Variants in VASH2 observed in about 807,000 individuals in gnomAD.
VASH2 encodes the protein vasohibin 2, also known as tubulinyl-Tyr carboxypeptidase 2.
Under a neutral mutation model 37.2 loss-of-function variants are expected in VASH2, and 28 were observed. The ratio of observed to expected loss-of-function variants is 0.75; its 90% confidence interval spans 0.56 to 1.03. VASH2 has a LOEUF of 1.03. Ranked by LOEUF, VASH2 falls within the 50% of genes least tolerant of loss-of-function variation. The pLI is 0.00. For synonymous variants in VASH2, 188 were observed against 174.7 expected (o/e 1.08, Z -0.60); for missense variants, 419 against 459.1 (o/e 0.91, Z 0.80).
chr1:212,985,198 C>CTTTTTTTTTTTTTTTT (rs55804989), intron 7 of VASH2, among the ~76,000 whole-genome samples: 1 of 100,832 alleles, frequency 9.9e-6, no homozygotes, highest in Non-Finnish European at 1.9e-5. Context: ...ATTTTTTTTG[C>CTTTTTTTTTTTTTTTT]TTTTTTTTTT....
chr1:212,974,973 G>A (rs965427116), intron 7 of VASH2: 21 of 152,354 alleles, frequency 1.4e-4, no homozygotes, highest in African/African-American at 4.8e-4. Flanking sequence ...CCAAGTAGAT[G>A]ATGTAACGAG....
intron 2 of VASH2, among the ~76,000 whole-genome samples, chr1:212,960,341 C>T (rs1666636263): frequency 6.6e-6 from 1 of 152,044 alleles, no homozygotes; most frequent in Admixed American, 6.6e-5. Flanking sequence ...GTTGGTGGAG[C>T]TGCTGTGAGG....
intron 7 of VASH2, 68 bp downstream of exon 7, chr1:212,974,138 T>A: frequency 6.7e-7 from 1 of 1,497,662 alleles, no homozygotes; most frequent in South Asian, 1.3e-5. Context: ...TCCTGGCCCA[T>A]GGGGACAAAG....
intron 7 of VASH2, among the ~76,000 whole-genome samples, chr1:212,980,385 C>T (rs1572079846): frequency 6.6e-6 from 1 of 152,182 alleles, no homozygotes; most frequent in South Asian, 2.1e-4. Context: ...CTGCTTTTTT[C>T]CTGCTGTCTC....
intron 7 of VASH2, among the ~76,000 whole-genome samples, chr1:212,976,287 G>A (rs948724319): frequency 6.6e-6 from 1 of 152,106 alleles, no homozygotes; most frequent in South Asian, 2.1e-4. Flanking sequence ...AGAAAGAAGA[G>A]AAAAAAGAAA....
intron 7 of VASH2, among the ~76,000 whole-genome samples, chr1:212,985,241 G>C (rs1463776078): frequency 2.5e-5 from 3 of 118,360 alleles, no homozygotes; most frequent in Non-Finnish European, 4.9e-5. Context: ...GGGTTTCACC[G>C]TGGTGCCCAG....
intron 6 of VASH2, 39 bp from the exon 7 acceptor site, chr1:212,973,916 T>A (rs1052129392): frequency 5.6e-6 from 9 of 1,598,000 alleles, no homozygotes; most frequent in Non-Finnish European, 7.7e-6. Context: ...TGGAGGTCCC[T>A]TAGGAACCAG....
chr1:212,964,902 A>G (rs1666792746), intron 3 of VASH2, among the ~76,000 whole-genome samples: 1 of 149,968 alleles, frequency 6.7e-6, no homozygotes. Flanking sequence ...GTTAACTTGC[A>G]TATGTTGGGT....
At position 212,951,264 on chromosome 1, in the gene VASH2, A is replaced by C. The variant is rs1465589614; in HGVS notation, c.-204-75A>C. The C allele has an allele frequency of 6.6e-6, 1 of 152,522 alleles. No individual in the cohort carries two copies. Among genetic ancestry groups the C allele is most frequent in the Non-Finnish European group, 1.5e-5 (1 of 68,508 alleles). The allele number at this position is 152,522 out of a possible 1,614,324, so 9.4% of individuals were successfully genotyped here. ...GGGGAGCGGGGAGTGTCGTGGAGAC[A>C]CTCCGGGACCCCTCACTCGGTTCCG... On this transcript the variant is annotated intron_variant, in intron 1 of 7. Coordinates refer to ENST00000517399, the MANE Select transcript of VASH2 (RefSeq NM_001301056.2). This position sits in a 1 kb window ranked among gnomAD's most constrained non-coding sequence, Gnocchi z 4.4.
intron 5 of VASH2, chr1:212,967,388 A>G (rs908248938): frequency 3.3e-5 from 40 of 1,196,236 alleles, no homozygotes; most frequent in Non-Finnish European, 4.1e-5. Context: ...ACAATCAGAT[A>G]GAAGAGCAAA....
In VASH2 at chr1:212,971,695, C is replaced by T. The variant is rs1413557271; in HGVS notation, c.498-885C>T. Among the ~76,000 whole-genome samples the T allele has an allele frequency of 2.0e-5, 3 of 152,110 alleles. No homozygotes were observed. Among genetic ancestry groups the T allele is most frequent in the Non-Finnish European group, 2.9e-5 (2 of 68,026 alleles). ...TTTCTTTCTAGAGAGTGGAGGCATCCGTGATTAAACCGAGAGCAGAGGACA... is the reference window on the plus strand; with the variant it reads ...TTTCTTTCTAGAGAGTGGAGGCATCTGTGATTAAACCGAGAGCAGAGGACA... On this transcript the variant is annotated intron_variant, in intron 5 of 7. Transcript: ENST00000517399. The surrounding 1 kb of genome is among the most constrained non-coding windows in gnomAD (Gnocchi z 4.0).
In VASH2 at chr1:212,961,416, C is replaced by T. The variant is rs549478941; in HGVS notation, c.365+162C>T. On this transcript the variant is annotated intron_variant, in intron 3 of 7. Transcript: ENST00000517399. The stretch of plus-strand genomic sequence containing the variant: ...CGGGTGGGAGTCTAGAAAGAGTGTG[C>T]GTGGAGGTTGTCATTGCAGTGACCC... The T allele has an allele frequency of 2.0e-4, 297 of 1,455,722 alleles. 1 individual carries two copies. In the African/African-American group the frequency reaches 3.5e-3, roughly 17 times the overall value. The allele number at this position is 1,455,722 out of a possible 1,614,324, so 90.2% of individuals were successfully genotyped here. A position where few individuals can be genotyped will look rare whatever the true frequency, so the allele number is the denominator to read the frequency against.
intron 2 of VASH2, among the ~76,000 whole-genome samples, chr1:212,953,055 C>T (rs923336127): frequency 6.6e-6 from 1 of 152,172 alleles, no homozygotes; most frequent in African/African-American, 2.4e-5. Flanking sequence ...GCAGTTCTGA[C>T]TTGAGAATTT....
At chr1:212,952,680 T>TG (rs1304177386) in intron 2 of VASH2, 1 of 152,144 alleles carries the variant, frequency 6.6e-6, no homozygotes, top group Admixed American at 6.5e-5. Context: ...TGGGGAGAAA[T>TG]GCTGCCGAGC....
At chr1:212,982,670 A>G (rs61385792) in intron 7 of VASH2, among the ~76,000 whole-genome samples, 5,673 of 152,298 alleles carry the variant, frequency 0.037, 153 homozygotes, top group Admixed American at 0.055. Context: ...CTTCTGCCCT[A>G]TGCCAGCCAA....
chr1:212,965,720 A>C lies in VASH2; in HGVS notation c.366-2A>C. On this transcript the variant is annotated splice_acceptor_variant, in intron 3 of 7. Coordinates refer to ENST00000517399, the MANE Select transcript of VASH2 (RefSeq NM_001301056.2). LOFTEE classifies it high-confidence loss of function. ...CACTTTCCCTTTACATACTTTACAC[A>C]GATATAATCACACAGGGACCCAGTT... 6.4e-7 allele frequency: 1 copy of C among 1,551,572 alleles called. No individual in the cohort carries two copies. Among genetic ancestry groups the C allele is most frequent in the Non-Finnish European group, 8.7e-7 (1 of 1,146,460 alleles).
rs910431603 is a variant in VASH2 at position 212,990,731 on chromosome 1, C to T, written c.*2147C>T. On this transcript the variant is annotated 3_prime_UTR_variant, in exon 8 of 8. Coordinates refer to ENST00000517399, the MANE Select transcript of VASH2 (RefSeq NM_001301056.2). ...ATTAGTAAGCTAATTTCTCCCACAC[C>T]CGCTCCTTGATTTTTAGACTAATTT... 5 of 152,100 alleles carry T rather than the reference C, an allele frequency of 3.3e-5. No homozygotes were observed. Among genetic ancestry groups the T allele is most frequent in the African/African-American group, 7.2e-5 (3 of 41,404 alleles). 9.4% of individuals were successfully genotyped at this position (152,100 alleles called of 1,614,324 possible).
chr1:212,971,936 C>T lies in VASH2; in HGVS notation c.498-644C>T, dbSNP rs1667022820. On this transcript the variant is annotated intron_variant, in intron 5 of 7. Transcript: ENST00000517399. This position sits in a 1 kb window ranked among gnomAD's most constrained non-coding sequence, Gnocchi z 4.0. ...CAGGATGTGAGACACAACCCCCGCC[C>T]TCACAAGATACAAACAATTACAGTA... 6.6e-6 allele frequency among the ~76,000 whole-genome samples: 1 copy of T among 152,210 alleles called. No homozygotes were observed. Among genetic ancestry groups the T allele is most frequent in the African/African-American group, 2.4e-5 (1 of 41,458 alleles).
At chr1:212,983,641 G>C (rs1405779307) in intron 7 of VASH2, among the ~76,000 whole-genome samples, 1 of 152,196 alleles carries the variant, frequency 6.6e-6, no homozygotes, top group Non-Finnish European at 1.5e-5. Context: ...GAAAATGCCA[G>C]AGCATACAGA....
Sources: gnomAD v4.1 joint callset for allele counts (sites outside exome capture counted in the v4.1 genomes callset) on GRCh38, gnomAD v4.1.1 for gene constraint, Gnocchi (gnomAD v3.1) non-coding constraint, MANE v1.5 for transcripts, NCBI Gene and HGNC (gene_info 2026-07-23, HGNC 2026-07-21) for gene names.